LRBA: variants seen among roughly 807,000 people sequenced by gnomAD.
LRBA encodes the protein lipopolysaccharide-responsive and beige-like anchor protein.
In LRBA, 176 loss-of-function variants were observed where a neutral mutation model predicts 330.0. That is an observed-to-expected ratio of 0.53 (90% CI 0.47 to 0.60). The LOEUF (loss-of-function observed/expected upper bound fraction) is 0.60, where lower values mean the gene tolerates loss of function less well. LRBA is among the 20% of genes least tolerant of loss of function. The probability of loss-of-function intolerance (pLI) is 0.00; values close to 1 mark genes in which losing one functional copy is unlikely to be tolerated. For synonymous variants in LRBA, 1,230 were observed against 1,193.0 expected, an observed-to-expected ratio of 1.03 and a Z score of -0.64; for missense variants, 3,259 against 3,444.8, an observed-to-expected ratio of 0.95 and a Z score of 1.35.
At chr4:150,754,382 A>T (rs1733983262) in intron 35 of LRBA, among the ~76,000 whole-genome samples, 1 of 151,976 alleles carries the variant, frequency 6.6e-6, no homozygotes, top group African/African-American at 2.4e-5. Flanking sequence ...AGAGCATATA[A>T]GAGCATATAC....
intron 47 of LRBA, among the ~76,000 whole-genome samples, chr4:150,383,452 C>G (rs1177176908): frequency 6.6e-6 from 1 of 152,090 alleles, no homozygotes; most frequent in Non-Finnish European, 1.5e-5. Flanking sequence ...TGAGGTCTCA[C>G]TATGTTGCCC....
chr4:150,508,169 A>G (rs1051549971), intron 40 of LRBA, among the ~76,000 whole-genome samples: 7 of 141,064 alleles, frequency 5.0e-5, no homozygotes, highest in South Asian at 2.3e-4. Context: ...TGGCACATGT[A>G]TACATATGTA....
At chr4:150,735,484 A>T in intron 35 of LRBA, 118 bp from the exon 36 acceptor site, 1 of 704,590 alleles carries the variant, frequency 1.4e-6, no homozygotes, top group South Asian at 1.7e-5. Flanking sequence ...CATCATACAC[A>T]ATGAGGTACC....
intron 26 of LRBA, among the ~76,000 whole-genome samples, chr4:150,845,079 T>G (rs1229184530): frequency 6.6e-6 from 1 of 152,158 alleles, no homozygotes; most frequent in Admixed American, 6.5e-5. Flanking sequence ...TACTATTTCT[T>G]AGATCTCAAC....
intron 37 of LRBA, among the ~76,000 whole-genome samples, chr4:150,626,709 C>G (rs1226282439): frequency 6.6e-6 from 1 of 151,986 alleles, no homozygotes; most frequent in African/African-American, 2.4e-5. Context: ...CCATTTTTAA[C>G]AAATTAAGAT....
In LRBA at chr4:150,264,760, C is replaced by T. The variant is rs527378237; in HGVS notation, c.*962G>A. The T allele has an allele frequency of 1.3e-5, 2 of 152,770 alleles. No individual in the cohort carries two copies. The highest frequency in any genetic ancestry group is 1.9e-4 in the East Asian group (1 of 5,188). The allele number at this position is 152,770 out of a possible 1,614,324, so 9.5% of individuals were successfully genotyped here. A position where few individuals can be genotyped will look rare whatever the true frequency, so the allele number is the denominator to read the frequency against. On this transcript the variant is annotated 3_prime_UTR_variant, in exon 57 of 57. Coordinates refer to ENST00000651943, the MANE Select transcript of LRBA (RefSeq NM_001364905.1). ...TCTACTAGAAAAGTAGAATTATACA[C>T]CACCAAATAACATTGTTTCGTTTCT...
intron 4 of LRBA, among the ~76,000 whole-genome samples, chr4:150,921,965 C>CA (rs1476049094): frequency 2.6e-5 from 4 of 152,116 alleles, no homozygotes; most frequent in African/African-American, 9.7e-5. Context: ...TCAGGTGATC[C>CA]ACCTGCCTGG....
intron 36 of LRBA, among the ~76,000 whole-genome samples, chr4:150,717,244 G>GTACT (rs1728322571): frequency 6.6e-6 from 1 of 152,002 alleles, no homozygotes; most frequent in African/African-American, 2.4e-5. Flanking sequence ...TAAGAATTCA[G>GTACT]AAAAACAAGT....
intron 30 of LRBA, among the ~76,000 whole-genome samples, chr4:150,822,834 C>G (rs747557719): frequency 6.6e-6 from 1 of 152,114 alleles, no homozygotes; most frequent in Non-Finnish European, 1.5e-5. Flanking sequence ...CACTTGAGGC[C>G]AGGAGTTTGA....
intron 2 of LRBA, among the ~76,000 whole-genome samples, chr4:150,983,831 G>A (rs1038408272): frequency 6.6e-6 from 1 of 151,676 alleles, no homozygotes; most frequent in African/African-American, 2.4e-5. Flanking sequence ...GTTACCATCT[G>A]AACTCTCAAG....
At chr4:150,660,474 G>A (rs1260316742) in intron 37 of LRBA, among the ~76,000 whole-genome samples, 1 of 151,562 alleles carries the variant, frequency 6.6e-6, no homozygotes, top group Non-Finnish European at 1.5e-5. Context: ...GTCCGGGAGG[G>A]AGGTGGGGGG....
At chr4:150,703,145 T>G (rs192213769) in intron 36 of LRBA, among the ~76,000 whole-genome samples, 2 of 152,140 alleles carry the variant, frequency 1.3e-5, no homozygotes, top group Non-Finnish European at 2.9e-5. Context: ...TAGGCGACAG[T>G]GCGAGACTTC....
chr4:150,870,642 C>G (rs1753314923), intron 19 of LRBA, 36 bp from the exon 20 acceptor site: 2 of 961,518 alleles, frequency 2.1e-6, no homozygotes, highest in Non-Finnish European at 3.4e-6. Flanking sequence ...ATTAGCAAAT[C>G]ACTGGATTAG....
At chr4:150,588,249 C>A in intron 39 of LRBA, 65 bp from the exon 40 acceptor site, 1 of 1,499,280 alleles carries the variant, frequency 6.7e-7, no homozygotes, top group Non-Finnish European at 9.0e-7. Flanking sequence ...CAAATTCGAC[C>A]AGAAATTGTA....
chr4:150,680,652 T>C (rs1782974889), intron 37 of LRBA, among the ~76,000 whole-genome samples: 1 of 152,340 alleles, frequency 6.6e-6, no homozygotes, highest in African/African-American at 2.4e-5. Context: ...TTGGTCTCTT[T>C]AGATGGGATA....
intron 37 of LRBA, among the ~76,000 whole-genome samples, chr4:150,606,176 T>C (rs1774602098): frequency 6.6e-6 from 1 of 152,178 alleles, no homozygotes; most frequent in African/African-American, 2.4e-5. Flanking sequence ...AAGCTTTTCC[T>C]GTCTGTTGTT....
intron 2 of LRBA, among the ~76,000 whole-genome samples, chr4:150,939,923 A>G (rs1735485954): frequency 6.6e-6 from 1 of 152,182 alleles, no homozygotes; most frequent in African/African-American, 2.4e-5. Context: ...CTTCACCATA[A>G]CTCAATATAT....
chr4:150,640,271 T>C (rs1020945207), intron 37 of LRBA, among the ~76,000 whole-genome samples: 2 of 152,178 alleles, frequency 1.3e-5, no homozygotes, highest in Middle Eastern at 3.2e-3. Context: ...AATCACATTA[T>C]AGACAATCAC....
chr4:150,748,035 T>C (rs192901287), intron 35 of LRBA, among the ~76,000 whole-genome samples: 48 of 152,244 alleles, frequency 3.2e-4, no homozygotes, highest in Non-Finnish European at 3.4e-4. Flanking sequence ...CTCTTCCCCA[T>C]CACTACCTCA....
Sources: gnomAD v4.1 joint callset for allele counts (sites outside exome capture counted in the v4.1 genomes callset) on GRCh38, gnomAD v4.1.1 for gene constraint, MANE v1.5 for transcripts, NCBI Gene and HGNC (gene_info 2026-07-23, HGNC 2026-07-21) for gene names.